Variants in ALMS1 observed in about 807,000 individuals in gnomAD.
ALMS1 encodes the protein centrosome-associated protein ALMS1.
Under a neutral mutation model 352.2 loss-of-function variants are expected in ALMS1, and 271 were observed. The ratio of observed to expected loss-of-function variants is 0.77; its 90% CI spans 0.70 to 0.85. ALMS1 has a LOEUF of 0.85. ALMS1 is among the 40% of genes least tolerant of loss of function. The pLI, the probability that ALMS1 is intolerant of heterozygous loss-of-function variation, is 0.00. For missense variants in ALMS1, 5,445 were observed against 4,870.7 expected (o/e 1.12, Z -3.51); for synonymous variants, 1,865 against 1,761.2 (o/e 1.06, Z -1.48).
intron 1 of ALMS1, among the ~76,000 whole-genome samples, chr2:73,403,863 T>A (rs190705561): frequency 1.6e-4 from 25 of 152,298 alleles, no homozygotes; most frequent in Middle Eastern, 3.4e-3. Flanking sequence ...CAACTGATTT[T>A]CATATATTGA....
At chr2:73,407,469 T>C (rs1487326359) in intron 1 of ALMS1, among the ~76,000 whole-genome samples, 1 of 149,636 alleles carries the variant, frequency 6.7e-6, no homozygotes, top group Non-Finnish European at 1.5e-5. Context: ...GTCTTTTAAA[T>C]CCTATAAAAG....
chr2:73,503,669 G>A (rs779210954), intron 10 of ALMS1, among the ~76,000 whole-genome samples: 2 of 152,092 alleles, frequency 1.3e-5, no homozygotes, highest in Non-Finnish European at 2.9e-5. Flanking sequence ...CTGAGGAATC[G>A]CCACACTGAC....
intron 17 of ALMS1, 56 bp downstream of exon 17, chr2:73,599,577 A>T: frequency 6.4e-7 from 1 of 1,560,200 alleles, no homozygotes; most frequent in Admixed American, 1.7e-5. Context: ...GCTCTTAAAC[A>T]TGTAAGATAC....
At chr2:73,603,132 C>G in intron 20 of ALMS1, 109 bp from the exon 21 acceptor site, 2 of 1,007,470 alleles carry the variant, frequency 2.0e-6, no homozygotes, top group Middle Eastern at 2.6e-4. Context: ...TCAGTCTTGC[C>G]AGCTCAGGGT....
chr2:73,460,635 C>T (rs544082115), intron 9 of ALMS1, among the ~76,000 whole-genome samples: 52 of 152,298 alleles, frequency 3.4e-4, no homozygotes, highest in African/African-American at 1.1e-3. Flanking sequence ...CGAAGCAGGG[C>T]GAGGCATTGC....
chr2:73,563,734 AAAAAAAT>A (rs1217758427), intron 15 of ALMS1, among the ~76,000 whole-genome samples: 2 of 144,424 alleles, frequency 1.4e-5, no homozygotes, highest in African/African-American at 5.5e-5. Context: ...AAAAAAAAAA[AAAAAAAT>A]AAAAATAAAA....
At position 73,426,313 on chromosome 2, in the gene ALMS1, C is replaced by T. The variant is rs1190018832; in HGVS notation, c.1238-140C>T. On this transcript the variant is annotated intron_variant, in intron 5 of 22. Coordinates refer to ENST00000613296, the MANE Select transcript of ALMS1 (RefSeq NM_001378454.1). ...GTCACAAGGTGCTTGTACCATTGACCAGTGATGCATCATTAATTGCAGTCG... is the reference window on the plus strand; with the variant it reads ...GTCACAAGGTGCTTGTACCATTGACTAGTGATGCATCATTAATTGCAGTCG... 3 of 839,366 alleles carry T rather than the reference C, an allele frequency of 3.6e-6. No individual in the cohort carries two copies. The East Asian group carries it at 7.3e-5, about 20-fold the overall frequency. 52.0% of individuals were successfully genotyped at this position (839,366 alleles called of 1,614,324 possible). A position where few individuals can be genotyped will look rare whatever the true frequency, so the allele number is the denominator to read the frequency against.
Position 73,465,001 on chromosome 2 carries a change from G to A in ALMS1, c.7674+9706G>A, listed in dbSNP as rs1179956268. Among the ~76,000 whole-genome samples the A allele has an allele frequency of 7.9e-5, 12 of 151,994 alleles. No individual in the cohort carries two copies. The East Asian group carries it at 1.2e-3, about 15-fold the overall frequency. Reference sequence around the variant, plus strand: ...CTCATGGGTAGGAAGAATCAATATCGTGAAAATGGCCATACTGCCCAAGGT... The same window carrying A: ...CTCATGGGTAGGAAGAATCAATATCATGAAAATGGCCATACTGCCCAAGGT... On this transcript the variant is annotated intron_variant, in intron 9 of 22. Transcript: ENST00000613296.
intron 10 of ALMS1, among the ~76,000 whole-genome samples, chr2:73,507,283 C>G (rs1262758682): frequency 6.6e-6 from 1 of 152,160 alleles, no homozygotes; most frequent in African/African-American, 2.4e-5. Flanking sequence ...CATGATGATG[C>G]TGGCCTCATA....
chr2:73,474,109 A>G (rs557710044), intron 9 of ALMS1, among the ~76,000 whole-genome samples: 3 of 152,242 alleles, frequency 2.0e-5, no homozygotes, highest in African/African-American at 7.2e-5. Context: ...TAGTAGAAAT[A>G]TACTTTCCTT....
intron 9 of ALMS1, chr2:73,470,459 C>T (rs2103840377): frequency 6.6e-6 from 1 of 151,670 alleles, no homozygotes; most frequent in Non-Finnish European, 1.5e-5. Context: ...TTGTTAATTC[C>T]CACATAATTG....
chr2:73,487,931 G>C (rs1012395641), intron 9 of ALMS1, among the ~76,000 whole-genome samples: 1 of 152,324 alleles, frequency 6.6e-6, no homozygotes, highest in South Asian at 2.1e-4. Flanking sequence ...CTATCTGCAG[G>C]CAGGTCATTC....
intron 12 of ALMS1, among the ~76,000 whole-genome samples, chr2:73,546,536 CAAAT>C (rs1402787525): frequency 9.2e-5 from 14 of 152,250 alleles, no homozygotes; most frequent in Admixed American, 3.3e-4. Flanking sequence ...AGATATTAAA[CAAAT>C]AAACCATAAA....
At chr2:73,503,472 G>C (rs1480115909) in intron 10 of ALMS1, among the ~76,000 whole-genome samples, 8 of 152,154 alleles carry the variant, frequency 5.3e-5, no homozygotes, top group Admixed American at 3.3e-4. Flanking sequence ...TGTATATGTG[G>C]CACATTTTCT....
In ALMS1 at chr2:73,452,036, G is replaced by C; in HGVS notation, c.5509G>C (p.Ala1837Pro). 1 of 1,614,102 alleles carries C rather than the reference G, an allele frequency of 6.2e-7. No homozygotes were observed. The highest frequency in any genetic ancestry group is 8.5e-7 in the Non-Finnish European group (1 of 1,180,004). The stretch of plus-strand genomic sequence containing the variant: ...GAAAATTTTAAGAGTTCCTGGACCA[G>C]CTGACCAGAAGACTGGAATAAACAT... The part of the protein sequence containing the change: ...GLKILRVPGP[A>P]DQKTGINILP... Residue 1837 changes from alanine to proline, a missense_variant, in exon 8 of 23, where the codon GCT (alanine) becomes CCT (proline). Ala to Pro is a conservative substitution (Grantham distance 27). Coordinates refer to ENST00000613296, the MANE Select transcript of ALMS1 (RefSeq NM_001378454.1).
intron 3 of ALMS1, among the ~76,000 whole-genome samples, chr2:73,422,178 G>A (rs78970089): frequency 0.016 from 2,420 of 152,016 alleles, 64 homozygotes; most frequent in African/African-American, 0.055. Flanking sequence ...TTAGAAGTAT[G>A]GCCATGTTTT....
intron 11 of ALMS1, among the ~76,000 whole-genome samples, chr2:73,525,107 C>T (rs1049469102): frequency 6.6e-6 from 1 of 152,090 alleles, no homozygotes; most frequent in Non-Finnish European, 1.5e-5. Context: ...TTCCATTGTG[C>T]ATGTACTGCC....
At chr2:73,480,327 T>C (rs1052940390) in intron 9 of ALMS1, among the ~76,000 whole-genome samples, 1 of 151,976 alleles carries the variant, frequency 6.6e-6, no homozygotes, top group African/African-American at 2.4e-5. Context: ...ATATGCGGTG[T>C]TTGCTTTTTG....
intron 6 of ALMS1, among the ~76,000 whole-genome samples, chr2:73,430,225 C>T (rs942866346): frequency 2.6e-5 from 4 of 151,986 alleles, no homozygotes; most frequent in Admixed American, 6.5e-5. Context: ...TACAGGTGCC[C>T]GCCCCCATGC....
Sources: allele counts gnomAD v4.1 joint callset (sites outside exome capture counted in the v4.1 genomes callset), GRCh38; gene constraint gnomAD v4.1.1; transcripts MANE v1.5; gene names NCBI Gene and HGNC (gene_info 2026-07-23, HGNC 2026-07-21).